The following FABP12 variants were observed in gnomAD, a reference collection of about 807,000 sequenced individuals.
The protein encoded by FABP12 is fatty acid-binding protein 12.
FABP12 carries 19 observed loss-of-function variants against 13.7 expected under a neutral mutation model. That is an observed-to-expected ratio of 1.39 (90% CI 0.97 to 2.04). The LOEUF is 2.04. FABP12 is among the 30% of genes most tolerant of loss of function. The probability of loss-of-function intolerance (pLI) is 0.00; values close to 1 mark genes in which losing one functional copy is unlikely to be tolerated. For missense variants in FABP12, 182 were observed against 164.2 expected (o/e 1.11, Z -0.59); for synonymous variants, 61 against 57.0 (o/e 1.07, Z -0.32).
chr8:81,549,722 G>C (rs987967601), intron 1 of FABP12, among the ~76,000 whole-genome samples: 1 of 152,174 alleles, frequency 6.6e-6, no homozygotes, highest in African/African-American at 2.4e-5. Flanking sequence ...CTCATGTTCT[G>C]CTGTCATTTT....
chr8:81,554,742 G>A (rs966394636), intron 1 of FABP12, among the ~76,000 whole-genome samples: 12 of 151,932 alleles, frequency 7.9e-5, no homozygotes, highest in African/African-American at 2.9e-4. Flanking sequence ...GGGCCCCATT[G>A]AAAGAAGAAT....
intron 1 of FABP12, among the ~76,000 whole-genome samples, chr8:81,545,659 G>A (rs1055464713): frequency 1.3e-5 from 2 of 152,104 alleles, no homozygotes; most frequent in Admixed American, 6.5e-5. Context: ...GGATGACCCC[G>A]ATTATTTCTC....
chr8:81,534,676 C>G (rs1809177870), upstream of FABP12, among the ~76,000 whole-genome samples: 1 of 152,152 alleles, frequency 6.6e-6, no homozygotes, highest in South Asian at 2.1e-4. Flanking sequence ...TAACAGGTGG[C>G]TCATGCCTGT....
intron 1 of FABP12, chr8:81,533,349 A>T (rs1809132360): frequency 6.6e-6 from 1 of 152,176 alleles, no homozygotes; most frequent in Non-Finnish European, 1.5e-5. Flanking sequence ...AAAAATCTTC[A>T]CATATTTTGC....
At chr8:81,542,797 G>A (rs1469350736) in intron 1 of FABP12, among the ~76,000 whole-genome samples, 1 of 152,194 alleles carries the variant, frequency 6.6e-6, no homozygotes, top group African/African-American at 2.4e-5. Flanking sequence ...CTGATGAACT[G>A]AGAAAAGATT....
chr8:81,565,918 C>A (rs1313432321), intron 1 of FABP12, among the ~76,000 whole-genome samples: 6 of 151,830 alleles, frequency 4.0e-5, no homozygotes, highest in Admixed American at 3.9e-4. Flanking sequence ...AATCAACAAA[C>A]CTTTACTCAG....
At position 81,546,167 on chromosome 8, in the gene FABP12, C is replaced by T. The variant is rs572285033; in HGVS notation, c.-184-6424G>A. On this transcript the variant is annotated intron_variant, in intron 1 of 5. Coordinates refer to the FABP12 transcript ENST00000692030. Reference sequence around the variant, plus strand: ...TCTTAGAAGTAGCCTAATGCTTTTGCTTATGTCTCTGTTATCAAGCCAGTC... The same window carrying T: ...TCTTAGAAGTAGCCTAATGCTTTTGTTTATGTCTCTGTTATCAAGCCAGTC... Among the ~76,000 whole-genome samples, 6 of 152,272 alleles carry T rather than the reference C, an allele frequency of 3.9e-5. No homozygotes were observed. The East Asian group carries it at 7.7e-4, about 20-fold the overall frequency.
intron 1 of FABP12, among the ~76,000 whole-genome samples, chr8:81,554,682 C>G (rs1809577116): frequency 1.3e-5 from 2 of 152,082 alleles, no homozygotes; most frequent in African/African-American, 4.8e-5. Flanking sequence ...GAACAAGAAC[C>G]AACCTTGAAC....
At chr8:81,573,670 G>A (rs1563556703) in intron 1 of FABP12, among the ~76,000 whole-genome samples, 1 of 151,990 alleles carries the variant, frequency 6.6e-6, no homozygotes, top group African/African-American at 2.4e-5. Flanking sequence ...CGATTCCTTG[G>A]TTAGGTATAT....
chr8:81,543,218 G>T (rs1351608208), intron 1 of FABP12, among the ~76,000 whole-genome samples: 1 of 152,170 alleles, frequency 6.6e-6, no homozygotes, highest in East Asian at 1.9e-4. Context: ...TTAGCTTCAG[G>T]CTAGGCGGTA....
At chr8:81,559,364 A>G (rs1035508983) in intron 1 of FABP12, among the ~76,000 whole-genome samples, 2 of 152,210 alleles carry the variant, frequency 1.3e-5, no homozygotes, top group East Asian at 1.9e-4. Context: ...AAGGCTATTT[A>G]ACAGTGGTGC....
At chr8:81,560,197 T>G (rs1169688764) in intron 1 of FABP12, among the ~76,000 whole-genome samples, 1 of 152,134 alleles carries the variant, frequency 6.6e-6, no homozygotes, top group South Asian at 2.1e-4. Context: ...CTGAAGGAAA[T>G]GAAGAAGTAA....
chr8:81,548,551 A>T (rs909287005), intron 1 of FABP12, among the ~76,000 whole-genome samples: 1 of 152,146 alleles, frequency 6.6e-6, no homozygotes, highest in Non-Finnish European at 1.5e-5. Flanking sequence ...TGACTAAAGA[A>T]ATGTTTCTCA....
intron 1 of FABP12, among the ~76,000 whole-genome samples, chr8:81,577,989 C>T (rs1207682676): frequency 6.6e-6 from 1 of 152,168 alleles, no homozygotes; most frequent in African/African-American, 2.4e-5. Context: ...TTTGTTTTTA[C>T]TAAATATCCC....
At chr8:81,547,680 T>C (rs534869581) in intron 1 of FABP12, among the ~76,000 whole-genome samples, 1 of 152,352 alleles carries the variant, frequency 6.6e-6, no homozygotes, top group African/African-American at 2.4e-5. Context: ...CATTTAATTT[T>C]TCATAACTCA....
chr8:81,576,941 T>G (rs978170887), intron 1 of FABP12, among the ~76,000 whole-genome samples: 1 of 152,210 alleles, frequency 6.6e-6, no homozygotes, highest in Non-Finnish European at 1.5e-5. Flanking sequence ...TATTTCTGTT[T>G]ATGGCATTGG....
At chr8:81,527,654 A>C (rs904119821) in intron 3 of FABP12, among the ~76,000 whole-genome samples, 1 of 152,090 alleles carries the variant, frequency 6.6e-6, no homozygotes, top group Non-Finnish European at 1.5e-5. Flanking sequence ...GAGCCACCAC[A>C]CCCGGCCATG....
chr8:81,574,085 G>T (rs1009253625), intron 1 of FABP12, among the ~76,000 whole-genome samples: 1 of 152,182 alleles, frequency 6.6e-6, no homozygotes, highest in Admixed American at 6.5e-5. Flanking sequence ...TGTTGGCTGT[G>T]GGTTTGTCAT....
intron 1 of FABP12, among the ~76,000 whole-genome samples, chr8:81,552,671 A>G (rs10046697): frequency 0.17 from 25,330 of 152,200 alleles, 2,463 homozygotes; most frequent in East Asian, 0.34. Flanking sequence ...TTTAAATTCC[A>G]CAGAGGAAAG....
Sources: gnomAD v4.1 joint callset for allele counts (sites outside exome capture counted in the v4.1 genomes callset) on GRCh38, gnomAD v4.1.1 for gene constraint, MANE v1.5 for transcripts, NCBI Gene and HGNC (gene_info 2026-07-23, HGNC 2026-07-21) for gene names.